The following EPB41 variants were observed in gnomAD, a reference collection of about 807,000 sequenced individuals.
The protein encoded by EPB41 is protein 4.1.
A neutral mutation model predicts 108.0 loss-of-function variants in EPB41; 65 were observed. That is an observed-to-expected ratio of 0.60 (90% CI 0.49 to 0.74). EPB41 has a LOEUF of 0.74. Among genes scored for constraint, EPB41 ranks in the 30% least tolerant of loss-of-function variants. The pLI is 0.00. For synonymous variants in EPB41, 336 were observed against 358.9 expected (o/e 0.94, Z 0.72); for missense variants, 875 against 1,037.0 (o/e 0.84, Z 2.15).
intron 1 of EPB41, among the ~76,000 whole-genome samples, chr1:28,919,516 T>C (rs969145327): frequency 3.3e-5 from 5 of 152,092 alleles, no homozygotes; most frequent in South Asian, 2.1e-4. Flanking sequence ...TAGGCTGGAA[T>C]GCAGTGGCAT....
At chr1:29,005,753 A>T (rs538728409) in intron 4 of EPB41, among the ~76,000 whole-genome samples, 1 of 152,310 alleles carries the variant, frequency 6.6e-6, no homozygotes, top group African/African-American at 2.4e-5. Context: ...GGGAGAGAGT[A>T]TTCCAAGTAG....
intron 1 of EPB41, chr1:28,982,743 G>T (rs2095788040): frequency 2.0e-6 from 1 of 489,486 alleles, no homozygotes; most frequent in Admixed American, 3.2e-5. Flanking sequence ...AATACACCTT[G>T]TCTGCTCATA....
At chr1:28,948,431 C>T (rs1179363376) in intron 1 of EPB41, among the ~76,000 whole-genome samples, 5 of 149,964 alleles carry the variant, frequency 3.3e-5, no homozygotes, top group Non-Finnish European at 7.4e-5. Flanking sequence ...ATGGCATGAA[C>T]CCGAGAGGCA....
In EPB41 at chr1:29,118,803, T is replaced by A. The variant is rs1671402650; in HGVS notation, c.*1991T>A. On this transcript the variant is annotated 3_prime_UTR_variant, in exon 21 of 21. Transcript: ENST00000343067. ...TGGGCAGAGGGTCTGAAAGGTGGGC[T>A]TTGGGGTAGTGCCCAAGCCTGGTCG... The A allele has an allele frequency of 6.6e-6, 1 of 152,272 alleles. No homozygotes were observed. Among genetic ancestry groups the A allele is most frequent in the African/African-American group, 2.4e-5 (1 of 41,448 alleles). 9.4% of individuals were successfully genotyped at this position (152,272 alleles called of 1,614,324 possible). A position where few individuals can be genotyped will look rare whatever the true frequency, so the allele number is the denominator to read the frequency against.
At chr1:29,110,598 A>G (rs889202714) in intron 18 of EPB41, among the ~76,000 whole-genome samples, 1 of 152,192 alleles carries the variant, frequency 6.6e-6, no homozygotes, top group African/African-American at 2.4e-5. Flanking sequence ...ATCAGAGGCA[A>G]TCGATGTTTG....
intron 1 of EPB41, among the ~76,000 whole-genome samples, chr1:28,916,483 A>G (rs2092681307): frequency 6.6e-6 from 1 of 152,166 alleles, no homozygotes; most frequent in Non-Finnish European, 1.5e-5. Flanking sequence ...TAAAAATGCA[A>G]AAAAGTAGCT....
chr1:29,047,420 T>A (rs574694828), intron 11 of EPB41, among the ~76,000 whole-genome samples: 1 of 150,046 alleles, frequency 6.7e-6, no homozygotes, highest in East Asian at 2.0e-4. Flanking sequence ...TGGCTAATTT[T>A]TTTTTTTTTT....
chr1:28,890,910 A>G (rs2090046434), intron 1 of EPB41: 1 of 985,292 alleles, frequency 1.0e-6, no homozygotes, highest in South Asian at 4.7e-5. Flanking sequence ...TACCTGTGGA[A>G]CTGTTTGACC....
chr1:29,106,090 A>C (rs991215065), intron 17 of EPB41, among the ~76,000 whole-genome samples: 10 of 152,140 alleles, frequency 6.6e-5, no homozygotes, highest in Non-Finnish European at 1.3e-4. Flanking sequence ...TTGAGTAAAC[A>C]TCTAAGAGTC....
At chr1:29,063,812 T>C (rs1646922398) in intron 15 of EPB41, among the ~76,000 whole-genome samples, 1 of 152,240 alleles carries the variant, frequency 6.6e-6, no homozygotes, top group African/African-American at 2.4e-5. Context: ...ATAGATCTTT[T>C]AAGGTTTTTT....
At chr1:28,949,311 G>A (rs879918010) in intron 1 of EPB41, among the ~76,000 whole-genome samples, 1 of 152,116 alleles carries the variant, frequency 6.6e-6, no homozygotes, top group Admixed American at 6.6e-5. Context: ...TAGGCATGTG[G>A]TGTGCACCTG....
intron 16 of EPB41, among the ~76,000 whole-genome samples, chr1:29,077,501 A>C (rs191668803): frequency 3.3e-4 from 51 of 152,316 alleles, no homozygotes; most frequent in Non-Finnish European, 5.3e-4. Context: ...TGTATAAATA[A>C]AGTCATCTCG....
At chr1:29,066,542 G>A (rs1306712463) in intron 16 of EPB41, among the ~76,000 whole-genome samples, 3 of 152,160 alleles carry the variant, frequency 2.0e-5, no homozygotes, top group Non-Finnish European at 4.4e-5. Flanking sequence ...GTCAGTACAA[G>A]TGAAATATTT....
At chr1:29,047,153 C>T (rs1643464205) in intron 11 of EPB41, among the ~76,000 whole-genome samples, 1 of 151,740 alleles carries the variant, frequency 6.6e-6, no homozygotes, top group Non-Finnish European at 1.5e-5. Flanking sequence ...AGGTTCTTTA[C>T]TTACAGATTC....
Position 28,958,819 on chromosome 1 carries a change from C to CAA in EPB41, c.-7-28592_-7-28591dup, listed in dbSNP as rs35105287. Among the ~76,000 whole-genome samples the CAA allele has an allele frequency of 9.5e-3, 624 of 65,596 alleles. 15 individuals are homozygous for CAA. The highest frequency in any genetic ancestry group is 0.027 in the African/African-American group (469 of 17,214). 43.0% of individuals were successfully genotyped at this position (65,596 alleles called of 152,430 possible). The stretch of plus-strand genomic sequence containing the variant: ...GGGTGACAGAGGGATACCCTGTCTC[C>CAA]AAAAAAAAAAAAAAAAAAAAAGAAA... On this transcript the variant is annotated intron_variant, in intron 1 of 20. Coordinates refer to ENST00000343067, the MANE Select transcript of EPB41 (RefSeq NM_001376013.1).
At chr1:28,899,114 C>A (rs1291382866) in intron 1 of EPB41, among the ~76,000 whole-genome samples, 1 of 152,184 alleles carries the variant, frequency 6.6e-6, no homozygotes, top group East Asian at 1.9e-4. Context: ...GCCCAGGTCT[C>A]CAGACCCTCT....
chr1:28,951,546 A>G (rs1297401206), intron 1 of EPB41, among the ~76,000 whole-genome samples: 1 of 152,158 alleles, frequency 6.6e-6, no homozygotes, highest in East Asian at 1.9e-4. Context: ...AAAAGGTACT[A>G]TGCACATTGT....
chr1:28,971,203 T>G (rs1359467063), intron 1 of EPB41, among the ~76,000 whole-genome samples: 2 of 140,054 alleles, frequency 1.4e-5, no homozygotes, highest in Non-Finnish European at 3.1e-5. Context: ...TTTTTTTTTT[T>G]GGGACAGTGT....
At chr1:28,940,822 A>G (rs1366718969) in intron 1 of EPB41, among the ~76,000 whole-genome samples, 2 of 152,180 alleles carry the variant, frequency 1.3e-5, no homozygotes, top group Admixed American at 1.3e-4. Flanking sequence ...AATGTTTACA[A>G]TCGTCTGACA....
Sources: gnomAD v4.1 joint callset for allele counts (sites outside exome capture counted in the v4.1 genomes callset) on GRCh38, gnomAD v4.1.1 for gene constraint, MANE v1.5 for transcripts, NCBI Gene and HGNC (gene_info 2026-07-23, HGNC 2026-07-21) for gene names.